ANO2: variants seen among roughly 807,000 people sequenced by gnomAD.
ANO2 encodes anoctamin 2, also known as anoctamin-2.
Under a neutral mutation model 124.2 loss-of-function variants are expected in ANO2, and 101 were observed. That is an observed-to-expected ratio of 0.81 (90% CI 0.69 to 0.96). The LOEUF (loss-of-function observed/expected upper bound fraction) is 0.96, where lower values mean the gene tolerates loss of function less well. Among genes scored for constraint, ANO2 ranks in the 40% least tolerant of loss-of-function variants. ANO2 has a pLI of 0.00. For missense variants in ANO2, 1,293 were observed against 1,274.5 expected (o/e 1.01, Z -0.22); for synonymous variants, 486 against 482.5 (o/e 1.01, Z -0.09).
At chr12:5,598,036 A>G (rs1943747775) in intron 20 of ANO2, among the ~76,000 whole-genome samples, 1 of 152,218 alleles carries the variant, frequency 6.6e-6, no homozygotes. Context: ...TAGACATCCC[A>G]GGGCTAGGAC....
At chr12:5,903,818 C>T (rs2136284976) in intron 3 of ANO2, among the ~76,000 whole-genome samples, 1 of 152,266 alleles carries the variant, frequency 6.6e-6, no homozygotes, top group South Asian at 2.1e-4. Flanking sequence ...AGTGGAAGAT[C>T]CCAGCATATC....
intron 15 of ANO2, among the ~76,000 whole-genome samples, chr12:5,646,107 A>T (rs1946625951): frequency 1.3e-5 from 2 of 152,192 alleles, no homozygotes; most frequent in South Asian, 4.1e-4. Flanking sequence ...TGGTGAGGAC[A>T]TCCTGTTACA....
chr12:5,849,185 G>A (rs1342643016), intron 4 of ANO2, among the ~76,000 whole-genome samples: 1 of 152,144 alleles, frequency 6.6e-6, no homozygotes, highest in Non-Finnish European at 1.5e-5. Context: ...AAGCTCTGAC[G>A]ATTGGACAAA....
intron 3 of ANO2, among the ~76,000 whole-genome samples, chr12:5,894,668 T>C (rs952788781): frequency 1.3e-5 from 2 of 152,248 alleles, no homozygotes; most frequent in Non-Finnish European, 2.9e-5. Flanking sequence ...AATTTTTGTA[T>C]AAGGTGTAAG....
chr12:5,640,461 A>AT (rs1741139657), intron 15 of ANO2, among the ~76,000 whole-genome samples: 1 of 152,122 alleles, frequency 6.6e-6, no homozygotes, highest in Admixed American at 6.6e-5. Flanking sequence ...ATGGGAGGAA[A>AT]TTTTTGCAAT....
intron 14 of ANO2, among the ~76,000 whole-genome samples, chr12:5,689,114 G>A (rs1350440805): frequency 6.6e-6 from 1 of 152,138 alleles, no homozygotes; most frequent in African/African-American, 2.4e-5. Context: ...AACAAATTGT[G>A]AGGTTACTAA....
intron 3 of ANO2, among the ~76,000 whole-genome samples, chr12:5,883,330 A>T (rs1938637147): frequency 6.6e-6 from 1 of 152,174 alleles, no homozygotes; most frequent in South Asian, 2.1e-4. Context: ...AGACCTAGAG[A>T]TGCCTTCTCA....
At chr12:5,945,381 G>T (rs1051570467), upstream of ANO2, 2 of 699,130 alleles carry the variant, frequency 2.9e-6, no homozygotes, top group African/African-American at 3.9e-5. Context: ...GCGCCGCGCA[G>T]CCACAGCCCA....
intron 10 of ANO2, among the ~76,000 whole-genome samples, chr12:5,758,627 A>T (rs1388983378): frequency 6.6e-6 from 1 of 152,162 alleles, no homozygotes; most frequent in Non-Finnish European, 1.5e-5. Context: ...CACAAAGCAT[A>T]AGGTAATAGC....
chr12:5,633,937 T>C (rs988093493), intron 16 of ANO2, among the ~76,000 whole-genome samples: 8 of 152,184 alleles, frequency 5.3e-5, no homozygotes, highest in African/African-American at 1.9e-4. Context: ...CATGCCTGTC[T>C]GACTCTCACT....
In ANO2 at chr12:5,908,912, G is replaced by A. The variant is rs114388610; in HGVS notation, c.534+12128C>T. Reference sequence around the variant, plus strand: ...AAACAGGAGCATTATCTCCTCTGGAGAATGGCCTTCACTCCACACAGAATC... The same window carrying A: ...AAACAGGAGCATTATCTCCTCTGGAAAATGGCCTTCACTCCACACAGAATC... On this transcript the variant is annotated intron_variant, in intron 3 of 24. Transcript: ENST00000682330. The surrounding 1 kb of genome is among the most constrained non-coding windows in gnomAD (Gnocchi z 4.7). Among the ~76,000 whole-genome samples, 1,732 of 152,318 alleles carry A rather than the reference G, an allele frequency of 0.011. 35 individuals are homozygous for A. The highest frequency in any genetic ancestry group is 0.039 in the African/African-American group (1,639 of 41,556).
At chr12:5,842,215 G>A (rs1237610052) in intron 4 of ANO2, among the ~76,000 whole-genome samples, 1 of 152,086 alleles carries the variant, frequency 6.6e-6, no homozygotes, top group East Asian at 1.9e-4. Flanking sequence ...TACAACATCT[G>A]AATCCTCCCC....
rs563427642 is a variant in ANO2 at position 5,679,141 on chromosome 12, A to T, written c.1546-31340T>A. ...CACTTTGTACAAAAATTAACTCAAG[A>T]TGGATTAAATACTTAAATGTAAAAT... On this transcript the variant is annotated intron_variant, in intron 14 of 24. Transcript: ENST00000682330. 2.0e-5 allele frequency among the ~76,000 whole-genome samples: 3 copies of T among 149,458 alleles called. No individual in the cohort carries two copies. The South Asian group carries it at 6.6e-4, about 33-fold the overall frequency.
rs1319543761 is a variant in ANO2, at chr12:5,658,915, G to GCAT, written c.1546-11117_1546-11115dup. Among the ~76,000 whole-genome samples the GCAT allele has an allele frequency of 2.0e-5, 3 of 152,046 alleles. No homozygotes were observed. In the East Asian group the frequency reaches 5.8e-4, roughly 29 times the overall value. On this transcript the variant is annotated intron_variant, in intron 14 of 24. Transcript: ENST00000682330. The surrounding 1 kb of genome is among the most constrained non-coding windows in gnomAD (Gnocchi z 4.3). The stretch of plus-strand genomic sequence containing the variant: ...ATTAAAATCATCATCAGCAACAGCA[G>GCAT]CATCATCATCATCATTGCTTTATCC...
intron 3 of ANO2, among the ~76,000 whole-genome samples, chr12:5,909,107 C>T (rs1045891366): frequency 5.3e-5 from 8 of 152,314 alleles, no homozygotes; most frequent in South Asian, 4.1e-4. Context: ...AGGTTCTTAA[C>T]GTACCAGCAT....
chr12:5,684,873 C>T (rs925647225), intron 14 of ANO2, among the ~76,000 whole-genome samples: 2 of 152,186 alleles, frequency 1.3e-5, no homozygotes, highest in Non-Finnish European at 1.5e-5. Flanking sequence ...AGTCAGGGGT[C>T]CTGGGTGCAA....
intron 7 of ANO2, among the ~76,000 whole-genome samples, chr12:5,824,625 G>A (rs914656472): frequency 1.3e-5 from 2 of 152,124 alleles, no homozygotes; most frequent in African/African-American, 2.4e-5. Flanking sequence ...TCCTTCTTCT[G>A]AGCCCTCCAA....
chr12:5,804,931 T>TA (rs1308650326), intron 9 of ANO2, among the ~76,000 whole-genome samples: 2 of 151,628 alleles, frequency 1.3e-5, no homozygotes, highest in African/African-American at 4.9e-5. Flanking sequence ...AAGGAAAAAT[T>TA]AGAGAGTGGG....
intron 3 of ANO2, among the ~76,000 whole-genome samples, chr12:5,916,601 C>G (rs945458294): frequency 1.3e-5 from 2 of 150,664 alleles, no homozygotes; most frequent in East Asian, 3.9e-4. Context: ...CAAATGTATC[C>G]TATTAATGTA....
Sources: allele counts gnomAD v4.1 joint callset (sites outside exome capture counted in the v4.1 genomes callset), GRCh38; gene constraint gnomAD v4.1.1; non-coding constraint Gnocchi (gnomAD v3.1); transcripts MANE v1.5; gene names NCBI Gene and HGNC (gene_info 2026-07-23, HGNC 2026-07-21).